The following ACSL3 variants were observed in gnomAD, a reference collection of about 807,000 sequenced individuals.
ACSL3 encodes the protein fatty acid CoA ligase Acsl3.
In ACSL3, 34 loss-of-function variants were observed where a neutral mutation model predicts 84.7. That is an observed-to-expected ratio of 0.40 (90% CI 0.31 to 0.53). The LOEUF (loss-of-function observed/expected upper bound fraction) is 0.53. Ranked by LOEUF, ACSL3 falls within the 20% of genes least tolerant of loss-of-function variation. The pLI, the probability that ACSL3 is intolerant of heterozygous loss-of-function variation, is 0.48. For missense variants in ACSL3, 680 were observed against 873.1 expected (o/e 0.78, Z 2.79); for synonymous variants, 315 against 299.4 (o/e 1.05, Z -0.54).
At chr2:222,891,411 G>A (rs1225568318) in intron 2 of ACSL3, among the ~76,000 whole-genome samples, 1 of 152,182 alleles carries the variant, frequency 6.6e-6, no homozygotes, top group Non-Finnish European at 1.5e-5. Flanking sequence ...TCTAGTGTAT[G>A]TGTTTATGCA....
chr2:222,877,426 G>A (rs1193267969), intron 1 of ACSL3, among the ~76,000 whole-genome samples: 1 of 152,188 alleles, frequency 6.6e-6, no homozygotes, highest in African/African-American at 2.4e-5. Context: ...GCCTGTTTAT[G>A]TAAATCTGAA....
At chr2:222,878,726 A>T (rs190194480) in intron 1 of ACSL3, among the ~76,000 whole-genome samples, 1 of 152,162 alleles carries the variant, frequency 6.6e-6, no homozygotes, top group East Asian at 1.9e-4. Context: ...ATCCAGCCCT[A>T]TATTTATGCG....
At chr2:222,928,624 G>T (rs558846543) in intron 12 of ACSL3, among the ~76,000 whole-genome samples, 1 of 145,364 alleles carries the variant, frequency 6.9e-6, no homozygotes, top group African/African-American at 2.6e-5. Flanking sequence ...AAAATTTCCT[G>T]ATTTTTTAAG....
At position 222,942,686 on chromosome 2, in the gene ACSL3, G is replaced by A. The variant is rs376473459; in HGVS notation, c.*1032G>A. 5 of 210,428 alleles carry A rather than the reference G, an allele frequency of 2.4e-5. No individual in the cohort carries two copies. Among genetic ancestry groups the A allele is most frequent in the Admixed American group, 1.2e-4 (2 of 16,960 alleles). The allele number at this position is 210,428 out of a possible 1,614,324, so 13.0% of individuals were successfully genotyped here. Reference sequence around the variant, plus strand: ...CCTAGTTTGCACTGATGCGTGTATGGATGTGTGTGAGTCAGTGGTAGCTTA... The same window carrying A: ...CCTAGTTTGCACTGATGCGTGTATGAATGTGTGTGAGTCAGTGGTAGCTTA... On this transcript the variant is annotated 3_prime_UTR_variant, in exon 17 of 17. Coordinates refer to ENST00000357430, the MANE Select transcript of ACSL3 (RefSeq NM_004457.5).
chr2:222,906,859 C>A (rs1696306932), intron 3 of ACSL3, among the ~76,000 whole-genome samples: 1 of 152,178 alleles, frequency 6.6e-6, no homozygotes. Context: ...GTGTTCTGTC[C>A]TCCCTGGCCT....
intron 1 of ACSL3, among the ~76,000 whole-genome samples, chr2:222,867,762 A>G (rs1371038019): frequency 2.0e-5 from 3 of 152,090 alleles, no homozygotes; most frequent in Non-Finnish European, 4.4e-5. Context: ...GTTAAGTATT[A>G]TTGAACACAA....
intron 10 of ACSL3, among the ~76,000 whole-genome samples, chr2:222,923,626 AG>A (rs1696797037): frequency 6.6e-6 from 1 of 152,118 alleles, no homozygotes; most frequent in African/African-American, 2.4e-5. Flanking sequence ...TACATAATAT[AG>A]GGGCCTGGGA....
intron 5 of ACSL3, 91 bp from the exon 6 acceptor site, chr2:222,917,955 A>T (rs1696628918): frequency 1.1e-6 from 1 of 900,806 alleles, no homozygotes; most frequent in Admixed American, 2.0e-5. Flanking sequence ...AGGGCTCCTA[A>T]TGCGTTATTA....
At chr2:222,886,052 A>G (rs981314806) in intron 1 of ACSL3, among the ~76,000 whole-genome samples, 5 of 152,112 alleles carry the variant, frequency 3.3e-5, no homozygotes, top group Non-Finnish European at 7.4e-5. Flanking sequence ...TTTAAAAAAA[A>G]AAGTTTATTT....
At chr2:222,911,937 T>G (rs2106120358) in intron 4 of ACSL3, among the ~76,000 whole-genome samples, 1 of 152,374 alleles carries the variant, frequency 6.6e-6, no homozygotes, top group Non-Finnish European at 1.5e-5. Flanking sequence ...TATAGTTCAT[T>G]ACTGTGAAGT....
Position 222,909,119 on chromosome 2 carries a change from A to C in ACSL3, c.347A>C (p.Glu116Ala), listed in dbSNP as rs1197468160. The C allele has an allele frequency of 1.3e-6, 2 of 1,597,292 alleles. No homozygotes were observed. The highest frequency in any genetic ancestry group is 2.3e-5 in the South Asian group (2 of 86,610). Residue 116 changes from glutamate to alanine, a missense_variant, in exon 4 of 17, where the codon GAA (glutamate) becomes GCA (alanine). Coordinates refer to ENST00000357430, the MANE Select transcript of ACSL3 (RefSeq NM_004457.5). ...CGTGAAGTTTTAAATGAGGAAGATGAAGTACAACCAAATGGAAAAATTTTT... is the reference window on the plus strand; with the variant it reads ...CGTGAAGTTTTAAATGAGGAAGATGCAGTACAACCAAATGGAAAAATTTTT... Reference protein sequence around the residue: ...GTREVLNEEDEVQPNGKIFKK... With the variant: ...GTREVLNEEDAVQPNGKIFKK...
chr2:222,899,682 T>TAA (rs1217898158), intron 2 of ACSL3, among the ~76,000 whole-genome samples: 2 of 151,960 alleles, frequency 1.3e-5, no homozygotes, highest in East Asian at 3.9e-4. Flanking sequence ...CTCCTGAAAG[T>TAA]AAGAGGAGGA....
intron 16 of ACSL3, among the ~76,000 whole-genome samples, chr2:222,938,965 A>T (rs1697238360): frequency 6.6e-6 from 1 of 152,026 alleles, no homozygotes; most frequent in African/African-American, 2.4e-5. Flanking sequence ...TCTTCATTTT[A>T]AAAAAATTTC....
At position 222,934,652 on chromosome 2, in the gene ACSL3, A is replaced by C. The variant is rs1697126779; in HGVS notation, c.1970A>C (p.Glu657Ala). ...ELCNSCEMENEVLKVLSEAAI... is the reference protein window; with the variant it reads ...ELCNSCEMENAVLKVLSEAAI... Reference sequence around the variant, plus strand: ...TGTAACAGTTGTGAAATGGAAAATGAGGTACTTAAAGTGCTTTCCGAAGCT... The same window carrying C: ...TGTAACAGTTGTGAAATGGAAAATGCGGTACTTAAAGTGCTTTCCGAAGCT... Residue 657 changes from glutamate (E) to alanine (A), a missense_variant, in exon 16 of 17, where the codon GAG becomes GCG. By Grantham distance (107) the Glu-to-Ala change is moderately radical (BLOSUM62 -1). Around this residue, in one of 2 missense-constraint regions of ACSL3, gnomAD observed 347 missense variants for 525.7 expected, o/e 0.66. Transcript: ENST00000357430. The C allele has an allele frequency of 2.5e-6, 4 of 1,608,486 alleles. No individual in the cohort carries two copies. The highest frequency in any genetic ancestry group is 3.4e-6 in the Non-Finnish European group (4 of 1,178,252).
chr2:222,907,624 G>T (rs1429377498), intron 3 of ACSL3, among the ~76,000 whole-genome samples: 1 of 152,092 alleles, frequency 6.6e-6, no homozygotes, highest in Non-Finnish European at 1.5e-5. Context: ...AATTAGCTGA[G>T]TGTGGTCACA....
At chr2:222,906,804 G>A (rs542418604) in intron 3 of ACSL3, among the ~76,000 whole-genome samples, 6 of 152,130 alleles carry the variant, frequency 3.9e-5, no homozygotes, top group South Asian at 4.1e-4. Context: ...TAGTAGAGAC[G>A]GGGTTTCACT....
chr2:222,940,575 C>T (rs544720361), intron 16 of ACSL3, among the ~76,000 whole-genome samples: 3 of 151,536 alleles, frequency 2.0e-5, no homozygotes, highest in Admixed American at 1.3e-4. Flanking sequence ...ACAGTGGTCA[C>T]GTAAGATTAT....
At chr2:222,873,853 T>C (rs1695371421) in intron 1 of ACSL3, among the ~76,000 whole-genome samples, 1 of 152,224 alleles carries the variant, frequency 6.6e-6, no homozygotes, top group Non-Finnish European at 1.5e-5. Context: ...TAAATTTGTT[T>C]TTCTTCATTA....
rs370395971 is a variant in ACSL3, at chr2:222,908,787, G to A, written c.15G>A (p.Val5=). Residue 5 remains valine (V), a synonymous_variant, in exon 4 of 17, where the codon GTG becomes GTA. Coordinates refer to ENST00000357430, the MANE Select transcript of ACSL3 (RefSeq NM_004457.5). The part of the protein sequence containing the change: MNNH[V]SSKPSTMKLK... ...TTTGAGTACTTATGAATAACCACGT[G>A]TCTTCAAAACCATCTACCATGAAGC... The A allele has an allele frequency of 2.6e-5, 41 of 1,593,284 alleles. No individual in the cohort carries two copies. In the Middle Eastern group the frequency reaches 1.1e-3, roughly 43 times the overall value.
Sources: allele counts gnomAD v4.1 joint callset (sites outside exome capture counted in the v4.1 genomes callset), GRCh38; gene constraint gnomAD v4.1.1; regional missense constraint gnomAD v4.1.1; transcripts MANE v1.5; gene names NCBI Gene and HGNC (gene_info 2026-07-23, HGNC 2026-07-21).